KDM4A: variants seen among roughly 807,000 people sequenced by gnomAD.
KDM4A encodes the protein lysine-specific demethylase 4A.
In KDM4A, 23 loss-of-function variants were observed where a neutral mutation model predicts 127.1. That is an observed-to-expected ratio of 0.18 (90% CI 0.13 to 0.26). The LOEUF is 0.26. Among genes scored for constraint, KDM4A ranks in the 10% least tolerant of loss-of-function variants. KDM4A has a pLI of 1.00. For missense variants in KDM4A, 890 were observed against 1,329.1 expected (o/e 0.67, Z 5.14); for synonymous variants, 443 against 466.5 (o/e 0.95, Z 0.65).
At chr1:43,656,503 A>AT (rs771846540) in intron 3 of KDM4A, among the ~76,000 whole-genome samples, 1 of 149,626 alleles carries the variant, frequency 6.7e-6, no homozygotes, top group Admixed American at 6.7e-5. Context: ...ATGCTTGGCT[A>AT]TTTTTTGTAT....
At chr1:43,669,066 T>TG in intron 9 of KDM4A, 34 bp from the exon 10 acceptor site, 1 of 1,609,048 alleles carries the variant, frequency 6.2e-7, no homozygotes, top group Non-Finnish European at 8.5e-7. Context: ...GATGTATATG[T>TG]GGGCTCTTAA....
chr1:43,655,647 G>A lies in KDM4A; in HGVS notation c.195G>A (p.Leu65=). ...CATCCTATGATGACATTGATGATTT[G>A]GTCATTCCTGCCCCCATTCAACAGC... The part of the protein sequence containing the change: ...PRASYDDIDD[L]VIPAPIQQLV... The change falls in exon 3 of 22, where the codon TTG becomes TTA. Residue 65 remains leucine (L), a synonymous_variant. Transcript: ENST00000372396. 1.2e-6 allele frequency: 2 copies of A among 1,613,212 alleles called. No individual in the cohort carries two copies. Among genetic ancestry groups the A allele is most frequent in the Non-Finnish European group, 1.7e-6 (2 of 1,179,732 alleles).
intron 11 of KDM4A, among the ~76,000 whole-genome samples, chr1:43,673,478 G>A (rs1181754021): frequency 6.6e-6 from 1 of 151,816 alleles, no homozygotes; most frequent in Non-Finnish European, 1.5e-5. Flanking sequence ...TTTCCCTAGT[G>A]TTGCCAATAG....
In KDM4A at chr1:43,693,417, AACTT is replaced by A. The variant is rs1320687816; in HGVS notation, c.2376-572_2376-569del. 6.6e-6 allele frequency among the ~76,000 whole-genome samples: 1 copy of A among 152,214 alleles called. No individual in the cohort carries two copies. Among genetic ancestry groups the A allele is most frequent in the East Asian group, 1.9e-4 (1 of 5,198 alleles). On this transcript the variant is annotated intron_variant, in intron 16 of 21. Transcript: ENST00000372396. The surrounding 1 kb of genome is among the most constrained non-coding windows in gnomAD (Gnocchi z 4.2). ...CATGCTGGTTTCCCAAAATGTCCAA[AACTT>A]ACTTTAATTCTTAAGGATGTCCGTT...
intron 16 of KDM4A, among the ~76,000 whole-genome samples, chr1:43,692,927 G>T (rs1193373975): frequency 6.6e-6 from 1 of 152,228 alleles, no homozygotes; most frequent in Non-Finnish European, 1.5e-5. Context: ...TGACCTGGAA[G>T]AGCTAGCTGT....
chr1:43,667,629 A>G lies in KDM4A; in HGVS notation c.916-143A>G, dbSNP rs1045120545. 6.7e-6 allele frequency: 7 copies of G among 1,038,642 alleles called. No individual in the cohort carries two copies. The African/African-American group carries it at 7.9e-5, about 12-fold the overall frequency. The allele number at this position is 1,038,642 out of a possible 1,614,324, so 64.3% of individuals were successfully genotyped here. A position where few individuals can be genotyped will look rare whatever the true frequency, so the allele number is the denominator to read the frequency against. On this transcript the variant is annotated intron_variant, in intron 8 of 21. Transcript: ENST00000372396. ...TGTTTGAAGGTCCTGCAAGGATAAC[A>G]TGCCCTCAGCCTGTGAACCAAAACA... is the stretch of plus-strand genomic sequence containing the variant.
In KDM4A at chr1:43,692,634, C is replaced by A. The variant is rs577726666; in HGVS notation, c.2375+323C>A. 2.0e-5 allele frequency among the ~76,000 whole-genome samples: 3 copies of A among 152,286 alleles called. No individual in the cohort carries two copies. In the East Asian group the frequency reaches 5.8e-4, roughly 29 times the overall value. ...CTGTGTGGGCTGGAGTGAGGACATTCACCTTGTCACAGCTGGGGCTGGTAT... is the reference window on the plus strand; with the variant it reads ...CTGTGTGGGCTGGAGTGAGGACATTAACCTTGTCACAGCTGGGGCTGGTAT... On this transcript the variant is annotated intron_variant, in intron 16 of 21. Coordinates refer to ENST00000372396, the MANE Select transcript of KDM4A (RefSeq NM_014663.3).
intron 8 of KDM4A, among the ~76,000 whole-genome samples, chr1:43,667,414 C>T (rs561295056): frequency 9.2e-5 from 14 of 152,172 alleles, no homozygotes; most frequent in African/African-American, 2.7e-4. Context: ...GCAGCAGGGT[C>T]GGGCCTTTGA....
chr1:43,679,088 G>T (rs114944743), intron 11 of KDM4A, among the ~76,000 whole-genome samples: 234 of 152,272 alleles, frequency 1.5e-3, no homozygotes, highest in African/African-American at 5.4e-3. Flanking sequence ...CCTCTGCTTA[G>T]TGCAACCCAG....
intron 10 of KDM4A, among the ~76,000 whole-genome samples, 171 bp downstream of exon 10, chr1:43,669,470 T>G (rs1334045476): frequency 1.3e-5 from 2 of 152,074 alleles, no homozygotes; most frequent in East Asian, 3.9e-4. Flanking sequence ...CAGGGAGGAC[T>G]GGACACGTAG....
intron 11 of KDM4A, among the ~76,000 whole-genome samples, chr1:43,680,677 C>T (rs1345955656): frequency 6.6e-6 from 1 of 152,228 alleles, no homozygotes; most frequent in African/African-American, 2.4e-5. Context: ...TCCTTGGCTC[C>T]TGGACCTCTA....
At position 43,655,751 on chromosome 1, in the gene KDM4A, T is replaced by C; in HGVS notation, c.299T>C (p.Ile100Thr). The C allele has an allele frequency of 1.9e-6, 3 of 1,610,942 alleles. No homozygotes were observed. The highest frequency in any genetic ancestry group is 1.7e-6 in the Non-Finnish European group (2 of 1,178,256). The change falls in exon 3 of 22, where the codon ATA (isoleucine) becomes ACA (threonine). Residue 100 changes from isoleucine to threonine, a missense_variant. Coordinates refer to ENST00000372396, the MANE Select transcript of KDM4A (RefSeq NM_014663.3). Reference sequence around the variant, plus strand: ...ATGACTGTTCGAGAGTTCCGCAAGATAGCCAATAGCGATAAGTGAGTGGAA... The same window carrying C: ...ATGACTGTTCGAGAGTTCCGCAAGACAGCCAATAGCGATAAGTGAGTGGAA... ...KAMTVREFRK[I>T]ANSDKYCTPR...
intron 10 of KDM4A, among the ~76,000 whole-genome samples, chr1:43,670,644 A>G (rs553041317): frequency 6.9e-6 from 1 of 145,322 alleles, no homozygotes; most frequent in East Asian, 2.0e-4. Context: ...GCTCACTGCA[A>G]CCTCCGCCTC....
At chr1:43,692,384 T>A in intron 16 of KDM4A, 73 bp downstream of exon 16, 3 of 1,285,184 alleles carry the variant, frequency 2.3e-6, no homozygotes, top group East Asian at 2.3e-5. Context: ...GTGAGGGTAC[T>A]AGCTGTTCTT....
chr1:43,653,580 C>T (rs1331143139), intron 2 of KDM4A: 5 of 270,002 alleles, frequency 1.9e-5, no homozygotes, highest in Non-Finnish European at 3.5e-5. Flanking sequence ...TGCCTCAGCC[C>T]TCTTGGTGGA....
Position 43,704,174 on chromosome 1 carries a change from ATCCCT to A in KDM4A, c.3055-54_3055-50del, listed in dbSNP as rs1043710705. ...GAGGGAGGGAACAAGTCAAGGATGC[ATCCCT>A]TTGTATTGTTCCTGGGGTAGCTGAC... is the stretch of plus-strand genomic sequence containing the variant. On this transcript the variant is annotated intron_variant, in intron 21 of 21. Transcript: ENST00000372396. The A allele has an allele frequency of 1.9e-6, 3 of 1,613,278 alleles. No homozygotes were observed. The African/African-American group carries it at 4.0e-5, about 22-fold the overall frequency.
chr1:43,691,683 A>G, intron 15 of KDM4A, 111 bp downstream of exon 15: 1 of 901,000 alleles, frequency 1.1e-6, no homozygotes, highest in Non-Finnish European at 1.8e-6. Context: ...AGGGTCTGGT[A>G]CGCGGTGATG....
At chr1:43,698,390 T>C (rs145294905) in intron 19 of KDM4A, among the ~76,000 whole-genome samples, 124 of 152,342 alleles carry the variant, frequency 8.1e-4, no homozygotes, top group African/African-American at 2.9e-3. Flanking sequence ...TATCCAACTC[T>C]CTTTTCTATC....
At chr1:43,690,563 T>C in intron 13 of KDM4A, 1 of 482,520 alleles carries the variant, frequency 2.1e-6, no homozygotes, top group Non-Finnish European at 3.8e-6. Context: ...GTGCATTTTA[T>C]TAACCACTTT....
Sources: gnomAD v4.1 joint callset for allele counts (sites outside exome capture counted in the v4.1 genomes callset) on GRCh38, gnomAD v4.1.1 for gene constraint, Gnocchi (gnomAD v3.1) non-coding constraint, MANE v1.5 for transcripts, NCBI Gene and HGNC (gene_info 2026-07-23, HGNC 2026-07-21) for gene names.